DIP2A: variants seen among roughly 807,000 people sequenced by gnomAD.
The protein encoded by DIP2A is disco-interacting protein 2 homolog A.
Under a neutral mutation model 177.4 loss-of-function variants are expected in DIP2A, and 85 were observed. That is an observed-to-expected ratio of 0.48 (90% CI 0.40 to 0.57). The LOEUF is 0.57. Among genes scored for constraint, DIP2A ranks in the 20% least tolerant of loss-of-function variants. The probability of loss-of-function intolerance (pLI) is 0.00; values close to 1 mark genes in which losing one functional copy is unlikely to be tolerated. For missense variants in DIP2A, 1,791 were observed against 2,100.2 expected (o/e 0.85, Z 2.88); for synonymous variants, 886 against 881.8 (o/e 1.00, Z -0.08).
At chr21:46,560,608 A>G in intron 32 of DIP2A, 114 bp from the exon 33 acceptor site, 2 of 1,410,658 alleles carry the variant, frequency 1.4e-6, no homozygotes, top group Non-Finnish European at 1.9e-6. Flanking sequence ...CAGAGCTGCT[A>G]CCTTCTTGGG....
chr21:46,496,948 T>C, intron 3 of DIP2A, 40 bp from the exon 4 acceptor site: 1 of 1,559,644 alleles, frequency 6.4e-7, no homozygotes, highest in Non-Finnish European at 8.6e-7. Flanking sequence ...TTATAAACAG[T>C]CTTGTAAAAA....
chr21:46,570,296 A>G (rs1032058992), downstream of DIP2A, among the ~76,000 whole-genome samples: 8 of 149,484 alleles, frequency 5.4e-5, no homozygotes, highest in Admixed American at 4.6e-4. Flanking sequence ...TGCAGATGCC[A>G]AGTAATGTTG....
rs898600478 is a variant in DIP2A, at chr21:46,557,999, G to A, written c.3799-224G>A. Among the ~76,000 whole-genome samples, 1 of 152,236 alleles carries A rather than the reference G, an allele frequency of 6.6e-6. No homozygotes were observed. Among genetic ancestry groups the A allele is most frequent in the Non-Finnish European group, 1.5e-5 (1 of 68,032 alleles). On this transcript the variant is annotated intron_variant, in intron 31 of 37. Coordinates refer to ENST00000417564, the MANE Select transcript of DIP2A (RefSeq NM_015151.4). This position sits in a 1 kb window ranked among gnomAD's most constrained non-coding sequence, Gnocchi z 6.0. The stretch of plus-strand genomic sequence containing the variant: ...CAGGGTCCCTGCGAGATAGCGGGGT[G>A]GAAGTCTGGCCGCGTGGGAGGGCAG...
At chr21:46,517,713 A>G (rs1001412535) in intron 8 of DIP2A, among the ~76,000 whole-genome samples, 3 of 152,200 alleles carry the variant, frequency 2.0e-5, no homozygotes, top group Admixed American at 6.5e-5. Context: ...GATTCAGCAC[A>G]TGTCCTGCAG....
chr21:46,474,771 C>T (rs2055699317), intron 1 of DIP2A, among the ~76,000 whole-genome samples: 1 of 152,156 alleles, frequency 6.6e-6, no homozygotes, highest in Admixed American at 6.5e-5. Context: ...CTGCGCACCC[C>T]CACATCCTGC....
At chr21:46,561,509 G>C in intron 33 of DIP2A, 1 of 602,832 alleles carries the variant, frequency 1.7e-6, no homozygotes, top group Non-Finnish European at 3.0e-6. Flanking sequence ...ACGAAATGTA[G>C]AGTGAGCTGC....
At chr21:46,555,011 C>A in intron 28 of DIP2A, 78 bp downstream of exon 28, 1 of 1,411,072 alleles carries the variant, frequency 7.1e-7, no homozygotes, top group Non-Finnish European at 9.7e-7. Context: ...GGCTGCCGTC[C>A]AAAAACACAC....
At chr21:46,552,515 C>T (rs1471270195) in intron 25 of DIP2A, among the ~76,000 whole-genome samples, 5 of 152,110 alleles carry the variant, frequency 3.3e-5, no homozygotes, top group Non-Finnish European at 7.4e-5. Context: ...AACTTAAAAC[C>T]CTGCAAGGCT....
At chr21:46,527,956 A>G (rs2059174804) in intron 8 of DIP2A, among the ~76,000 whole-genome samples, 1 of 151,424 alleles carries the variant, frequency 6.6e-6, no homozygotes, top group Non-Finnish European at 1.5e-5. Flanking sequence ...TCCTTTCTCT[A>G]TTGTCCTGTC....
intron 8 of DIP2A, among the ~76,000 whole-genome samples, chr21:46,525,980 C>CT (rs1312072325): frequency 6.6e-6 from 1 of 151,344 alleles, no homozygotes; most frequent in Non-Finnish European, 1.5e-5. Context: ...ACAATCTCAG[C>CT]TCACTGCAAC....
chr21:46,541,838 A>G lies in DIP2A; in HGVS notation c.2119A>G (p.Thr707Ala), dbSNP rs2059831828. ...GLSYGVIRVDTEEKLSVLTVQ... is the reference protein window; with the variant it reads ...GLSYGVIRVDAEEKLSVLTVQ... ...AAGTTATGGTGTTATCAGAGTGGAT[A>G]CTGAAGAAAAGTTGTCAGTCCTTAC... The change falls in exon 18 of 38, where the codon ACT becomes GCT. Residue 707 changes from threonine to alanine, a missense_variant. Coordinates refer to ENST00000417564, the MANE Select transcript of DIP2A (RefSeq NM_015151.4). 6 of 1,614,074 alleles carry G rather than the reference A, an allele frequency of 3.7e-6. No homozygotes were observed. The highest frequency in any genetic ancestry group is 5.1e-6 in the Non-Finnish European group (6 of 1,179,890).
intron 1 of DIP2A, chr21:46,469,201 C>T (rs2055138144): frequency 6.6e-6 from 1 of 152,196 alleles, no homozygotes; most frequent in South Asian, 2.1e-4. Flanking sequence ...CAGCACCTTG[C>T]ACATTTTAGG....
chr21:46,501,208 A>C (rs1257906094), intron 5 of DIP2A, among the ~76,000 whole-genome samples: 1 of 152,232 alleles, frequency 6.6e-6, no homozygotes, highest in Non-Finnish European at 1.5e-5. Flanking sequence ...TTAAGTAAAA[A>C]ATTCGAGGTA....
chr21:46,477,941 GA>G (rs971736127), intron 1 of DIP2A, among the ~76,000 whole-genome samples: 3 of 152,068 alleles, frequency 2.0e-5, no homozygotes, highest in African/African-American at 7.2e-5. Context: ...TGGTGTGAGG[GA>G]AGAGTGATTT....
At chr21:46,553,918 C>G in intron 25 of DIP2A, 1 of 323,910 alleles carries the variant, frequency 3.1e-6, no homozygotes, top group East Asian at 6.8e-5. Flanking sequence ...AATCCCAGCA[C>G]TTTGAGAGGC....
At chr21:46,470,675 T>C (rs1282446867) in intron 1 of DIP2A, among the ~76,000 whole-genome samples, 1 of 149,992 alleles carries the variant, frequency 6.7e-6, no homozygotes, top group East Asian at 2.0e-4. Flanking sequence ...GGAGGCTGAG[T>C]CAGGAGAATT....
intron 22 of DIP2A, 39 bp from the exon 23 acceptor site, chr21:46,550,504 A>C (rs1256089261): frequency 6.3e-7 from 1 of 1,583,260 alleles, no homozygotes; most frequent in South Asian, 1.1e-5. Context: ...CCCAGCCTCA[A>C]GTTGGGGGCC....
intron 8 of DIP2A, among the ~76,000 whole-genome samples, chr21:46,527,325 GTTTTTT>G (rs58453285): frequency 6.6e-5 from 7 of 105,586 alleles, no homozygotes; most frequent in African/African-American, 1.9e-4. Flanking sequence ...TTGAGTTGAG[GTTTTTT>G]TTTTTTTTTT....
intron 2 of DIP2A, among the ~76,000 whole-genome samples, chr21:46,488,408 A>G (rs1335348205): frequency 6.6e-6 from 1 of 152,186 alleles, no homozygotes; most frequent in Non-Finnish European, 1.5e-5. Context: ...CCTAGAAATG[A>G]GAACATTTCA....
Sources: gnomAD v4.1 joint callset for allele counts (sites outside exome capture counted in the v4.1 genomes callset) on GRCh38, gnomAD v4.1.1 for gene constraint, Gnocchi (gnomAD v3.1) non-coding constraint, MANE v1.5 for transcripts, NCBI Gene and HGNC (gene_info 2026-07-23, HGNC 2026-07-21) for gene names.